Variants in DDHD2 observed in about 807,000 individuals in gnomAD.
DDHD2 encodes the protein triacylglycerol hydrolase DDHD2.
DDHD2 carries 62 observed loss-of-function variants against 91.2 expected under a neutral mutation model. The ratio of observed to expected loss-of-function variants is 0.68; its 90% CI spans 0.55 to 0.84. The LOEUF (loss-of-function observed/expected upper bound fraction) is 0.84. Among genes scored for constraint, DDHD2 ranks in the 40% least tolerant of loss-of-function variants. The pLI is 0.00. For missense variants in DDHD2, 740 were observed against 846.9 expected (o/e 0.87, Z 1.57); for synonymous variants, 271 against 293.9 (o/e 0.92, Z 0.80).
intron 7 of DDHD2, among the ~76,000 whole-genome samples, chr8:38,243,058 G>T (rs932997018): frequency 3.3e-5 from 5 of 152,134 alleles, no homozygotes; most frequent in African/African-American, 1.2e-4. Context: ...TTCTGATTCT[G>T]TGTCTCAGTT....
chr8:38,244,563 AT>A (rs900372373), intron 7 of DDHD2, among the ~76,000 whole-genome samples: 24 of 131,560 alleles, frequency 1.8e-4, no homozygotes, highest in African/African-American at 4.9e-4. Flanking sequence ...CCTGAACAGT[AT>A]TTTTTTTGTT....
Position 38,252,795 on chromosome 8 carries a change from A to G in DDHD2, c.1691A>G (p.His564Arg). Residue 564 changes from histidine to arginine, a missense_variant, in exon 14 of 18, where the codon CAT becomes CGT. His to Arg is a conservative substitution (Grantham distance 29, BLOSUM62 0). Around this residue, in one of 2 missense-constraint regions of DDHD2, gnomAD observed 693 missense variants for 764.2 expected, o/e 0.91. Transcript: ENST00000397166. ...GAATTTGAGCCAATGCTGATCCCACATCATAAAGGCAGGAAGCGGATGCAC... is the reference window on the plus strand; with the variant it reads ...GAATTTGAGCCAATGCTGATCCCACGTCATAAAGGCAGGAAGCGGATGCAC... ...GVEFEPMLIPHHKGRKRMHLE... is the reference protein window; with the variant it reads ...GVEFEPMLIPRHKGRKRMHLE... 3 of 1,614,164 alleles carry G rather than the reference A, an allele frequency of 1.9e-6. No individual in the cohort carries two copies. Among genetic ancestry groups the G allele is most frequent in the Non-Finnish European group, 2.5e-6 (3 of 1,180,008 alleles).
intron 9 of DDHD2, chr8:38,246,884 T>C (rs929908311): frequency 6.6e-6 from 1 of 152,346 alleles, no homozygotes; most frequent in Non-Finnish European, 1.5e-5. Context: ...ATGGAATCAT[T>C]GAGCTAAATG....
downstream of DDHD2, chr8:38,273,462 T>C (rs1808532799): frequency 6.6e-6 from 1 of 152,164 alleles, no homozygotes; most frequent in Admixed American, 6.5e-5. Context: ...GTATATAGGA[T>C]GTACCCTGGC....
At chr8:38,268,960 T>G in intron 1 of DDHD2, 1 of 1,564,588 alleles carries the variant, frequency 6.4e-7, no homozygotes. Flanking sequence ...GCTGGATGAG[T>G]CTCTGGAACG....
In DDHD2 at chr8:38,261,659, G is replaced by C. The variant is rs1241092180; in HGVS notation, c.*1086G>C. ...CTGAAAGAAAAACTTATGTCTGTAG[G>C]GTCCAAGAAACAGCTATTCCAGAGT... On this transcript the variant is annotated 3_prime_UTR_variant, in exon 18 of 18. Coordinates refer to ENST00000397166, the MANE Select transcript of DDHD2 (RefSeq NM_015214.3). The C allele has an allele frequency of 1.3e-5, 2 of 152,126 alleles. No individual in the cohort carries two copies. The highest frequency in any genetic ancestry group is 1.9e-4 in the East Asian group (1 of 5,196). The allele number at this position is 152,126 out of a possible 1,614,324, so 9.4% of individuals were successfully genotyped here.
At chr8:38,252,089 C>A in intron 12 of DDHD2, 43 bp from the exon 13 acceptor site, 2 of 1,612,624 alleles carry the variant, frequency 1.2e-6, no homozygotes, top group Non-Finnish European at 1.7e-6. Context: ...ACAGATGTAA[C>A]TTTTGTTATT....
downstream of DDHD2, chr8:38,267,368 C>G: frequency 6.2e-7 from 1 of 1,613,510 alleles, no homozygotes; most frequent in Non-Finnish European, 8.5e-7. Context: ...AGGGAAGCAG[C>G]GGTAGAAGAA....
At chr8:38,259,994 C>A in intron 16 of DDHD2, 46 bp from the exon 17 acceptor site, 1 of 1,223,492 alleles carries the variant, frequency 8.2e-7, no homozygotes, top group Non-Finnish European at 1.2e-6. Context: ...AAACATTTGG[C>A]ACAAGTGTTA....
intron 4 of DDHD2, 25 bp downstream of exon 4, chr8:38,237,652 G>T: frequency 7.3e-7 from 1 of 1,375,602 alleles, no homozygotes; most frequent in Non-Finnish European, 1.0e-6. Context: ...TTCTCTTGTC[G>T]GGATAAAAAG....
Position 38,262,007 on chromosome 8 carries a change from T to G in DDHD2, c.*1434T>G, listed in dbSNP as rs1807066915. 6.6e-6 allele frequency: 1 copy of G among 152,184 alleles called. No individual in the cohort carries two copies. Among genetic ancestry groups the G allele is most frequent in the Non-Finnish European group, 1.5e-5 (1 of 68,038 alleles). The allele number at this position is 152,184 out of a possible 1,614,324, so 9.4% of individuals were successfully genotyped here. A position where few individuals can be genotyped will look rare whatever the true frequency, so the allele number is the denominator to read the frequency against. ...GCCATTCCTTAGACAGCAGTGGTCTTTATCCCTTTCTGGAAAGAAAAGGAA... is the reference window on the plus strand; with the variant it reads ...GCCATTCCTTAGACAGCAGTGGTCTGTATCCCTTTCTGGAAAGAAAAGGAA... On this transcript the variant is annotated 3_prime_UTR_variant, in exon 18 of 18. Transcript: ENST00000397166.
At chr8:38,234,842 A>T (rs1450922133) in intron 3 of DDHD2, among the ~76,000 whole-genome samples, 1 of 148,710 alleles carries the variant, frequency 6.7e-6, no homozygotes. Context: ...ATCTTGGCTC[A>T]CTGCAACCTC....
chr8:38,271,747 A>G (rs572656757), downstream of DDHD2: 1 of 152,312 alleles, frequency 6.6e-6, no homozygotes, highest in South Asian at 2.1e-4. Context: ...AAATAAAGCA[A>G]CTTTCCAATG....
chr8:38,246,312 G>A lies in DDHD2; in HGVS notation c.1125+12G>A. The A allele has an allele frequency of 1.3e-6, 2 of 1,586,880 alleles. No individual in the cohort carries two copies. The highest frequency in any genetic ancestry group is 1.1e-5 in the South Asian group (1 of 88,174). On this transcript the variant is annotated intron_variant, in intron 9 of 17. Coordinates refer to ENST00000397166, the MANE Select transcript of DDHD2 (RefSeq NM_015214.3). ...TTGACAGTGAAAAGGTAATTTAGATGTTCAGCTAGGTTTTCTTGTAGTTTT... is the reference window on the plus strand; with the variant it reads ...TTGACAGTGAAAAGGTAATTTAGATATTCAGCTAGGTTTTCTTGTAGTTTT...
chr8:38,269,191 C>T, intron 1 of DDHD2: 1 of 1,501,260 alleles, frequency 6.7e-7, no homozygotes. Context: ...CCGCCGCCGC[C>T]TTCCCCATCC....
chr8:38,246,029 ATC>A, intron 8 of DDHD2, 79 bp downstream of exon 8: 1 of 1,420,244 alleles, frequency 7.0e-7, no homozygotes, highest in Non-Finnish European at 9.8e-7. Flanking sequence ...AATGTCTTTT[ATC>A]AGTATGAAAT....
intron 6 of DDHD2, chr8:38,242,020 C>A (rs1805303488): frequency 2.5e-6 from 1 of 400,450 alleles, no homozygotes; most frequent in Admixed American, 4.8e-5. Context: ...CGCCACTGCA[C>A]CCCAGCTTGG....
downstream of DDHD2, chr8:38,264,231 TC>T: frequency 1.2e-6 from 1 of 839,218 alleles, no homozygotes; most frequent in Non-Finnish European, 1.6e-6. Context: ...CACTGGAACC[TC>T]CAGCTCCCAG....
downstream of DDHD2, chr8:38,264,211 G>C: frequency 1.1e-6 from 1 of 929,938 alleles, no homozygotes. Flanking sequence ...GCAGTGGTGC[G>C]ATCTCGGCTC....
Sources: allele counts gnomAD v4.1 joint callset (sites outside exome capture counted in the v4.1 genomes callset), GRCh38; gene constraint gnomAD v4.1.1; regional missense constraint gnomAD v4.1.1; transcripts MANE v1.5; gene names NCBI Gene and HGNC (gene_info 2026-07-23, HGNC 2026-07-21).